LRCH4: variants seen among roughly 807,000 people sequenced by gnomAD.
LRCH4 encodes leucine rich repeats and calponin homology domain containing 4.
LRCH4 carries 56 observed loss-of-function variants against 81.2 expected under a neutral mutation model. The ratio of observed to expected loss-of-function variants is 0.69; its 90% confidence interval spans 0.56 to 0.86. LRCH4 has a LOEUF of 0.86. Among genes scored for constraint, LRCH4 ranks in the 40% least tolerant of loss-of-function variants. The pLI, the probability that LRCH4 is intolerant of heterozygous loss-of-function variation, is 0.00. For missense variants in LRCH4, 895 were observed against 922.8 expected (o/e 0.97, Z 0.39); for synonymous variants, 442 against 409.7 (o/e 1.08, Z -0.95).
At position 100,578,252 on chromosome 7, in the gene LRCH4, T is replaced by G; in HGVS notation, c.855A>C (p.Ala285=). The change falls in exon 7 of 18, where the codon GCA becomes GCC. Residue 285 remains alanine, a synonymous_variant. Coordinates refer to ENST00000310300, the MANE Select transcript of LRCH4 (RefSeq NM_002319.5). The surrounding 1 kb of genome is among the most constrained non-coding windows in gnomAD (Gnocchi z 5.7). ...SRPPSFSPCP[A]EDLFPGHRYD... ...ACCGATGTCCCGGAAATAGATCCTCTGCAGGGCTGGGGCCAGCCAGGCGGA... is the reference window on the plus strand; with the variant it reads ...ACCGATGTCCCGGAAATAGATCCTCGGCAGGGCTGGGGCCAGCCAGGCGGA... 6.2e-7 allele frequency: 1 copy of G among 1,614,128 alleles called. No homozygotes were observed. Among genetic ancestry groups the G allele is most frequent in the Non-Finnish European group, 8.5e-7 (1 of 1,179,934 alleles).
chr7:100,582,214 C>A lies in LRCH4; in HGVS notation c.366-47G>T. 6.2e-7 allele frequency: 1 copy of A among 1,613,246 alleles called. No individual in the cohort carries two copies. Among genetic ancestry groups the A allele is most frequent in the East Asian group, 2.2e-5 (1 of 44,884 alleles). ...CGGACTGGCTCCCCAGGCATGGCAT[C>A]CCAGCACTGCCATCCTCTCGGGGTC... On this transcript the variant is annotated intron_variant, in intron 2 of 17. Coordinates refer to ENST00000310300, the MANE Select transcript of LRCH4 (RefSeq NM_002319.5). The surrounding 1 kb of genome is among the most constrained non-coding windows in gnomAD (Gnocchi z 5.0).
In LRCH4 at chr7:100,582,451, G is replaced by C; in HGVS notation, c.229C>G (p.Arg77Gly). Residue 77 changes from arginine to glycine, a missense_variant, in exon 2 of 18, where the codon CGG (arginine) becomes GGG (glycine). This residue lies in a region of LRCH4 where 360 missense variants were observed against 397.0 expected (regional missense o/e 0.91). Coordinates refer to ENST00000310300, the MANE Select transcript of LRCH4 (RefSeq NM_002319.5). This position sits in a 1 kb window ranked among gnomAD's most constrained non-coding sequence, Gnocchi z 5.0. ...LSDITQADLSRNRFPEVPEAA... is the reference protein window; with the variant it reads ...LSDITQADLSGNRFPEVPEAA... ...TCGGGCACCTCGGGAAACCGGTTCC[G>C]GGACAGGTCTGGGGAAAAGGAGGTG... 6.2e-7 allele frequency: 1 copy of C among 1,608,632 alleles called. No homozygotes were observed. Among genetic ancestry groups the C allele is most frequent in the East Asian group, 2.2e-5 (1 of 44,882 alleles).
rs1801317574 is a variant in LRCH4 at position 100,575,401 on chromosome 7, CA to C, written c.1855-98del. 1 of 1,137,254 alleles carries C rather than the reference CA, an allele frequency of 8.8e-7. No individual in the cohort carries two copies. 70.4% of individuals were successfully genotyped at this position (1,137,254 alleles called of 1,614,324 possible). A position where few individuals can be genotyped will look rare whatever the true frequency, so the allele number is the denominator to read the frequency against. ...CACCCCTGCCCTCACGTGCTGGGGC[CA>C]GAACCACGCCCACATGCTGACGTGC... On this transcript the variant is annotated intron_variant, in intron 17 of 17. Coordinates refer to ENST00000310300, the MANE Select transcript of LRCH4 (RefSeq NM_002319.5). This position sits in a 1 kb window ranked among gnomAD's most constrained non-coding sequence, Gnocchi z 5.3.
chr7:100,584,576 G>A (rs1465557508), intron 1 of LRCH4: 4 of 409,006 alleles, frequency 9.8e-6, no homozygotes, highest in Non-Finnish European at 2.0e-5. Flanking sequence ...CAGACAGTGA[G>A]TGTCACACAG....
rs755258123 is a variant in LRCH4, at chr7:100,582,581, T to C, written c.221-122A>G. ...ACACCTAAAGATTCAAGGCCATCAA[T>C]GTGGCCTCCCAGGAGAGATAACAAA... On this transcript the variant is annotated intron_variant, in intron 1 of 17. Transcript: ENST00000310300. This position sits in a 1 kb window ranked among gnomAD's most constrained non-coding sequence, Gnocchi z 5.0. 9.9e-5 allele frequency: 97 copies of C among 979,738 alleles called. No individual in the cohort carries two copies. The highest frequency in any genetic ancestry group is 1.4e-4 in the Non-Finnish European group (91 of 659,226). The allele number at this position is 979,738 out of a possible 1,614,324, so 60.7% of individuals were successfully genotyped here. A position where few individuals can be genotyped will look rare whatever the true frequency, so the allele number is the denominator to read the frequency against.
chr7:100,577,026 A>G lies in LRCH4; in HGVS notation c.1365-21T>C. 6.2e-7 allele frequency: 1 copy of G among 1,613,686 alleles called. No individual in the cohort carries two copies. The highest frequency in any genetic ancestry group is 8.5e-7 in the Non-Finnish European group (1 of 1,179,672). On this transcript the variant is annotated intron_variant, in intron 12 of 17. Coordinates refer to ENST00000310300, the MANE Select transcript of LRCH4 (RefSeq NM_002319.5). This position sits in a 1 kb window ranked among gnomAD's most constrained non-coding sequence, Gnocchi z 6.7. ...AGCCGCTGAGGAGAGACAGAAGGGA[A>G]TTAGAGGGATGATGGTCATAGGAAG...
chr7:100,584,364 A>G (rs561361559), intron 1 of LRCH4, among the ~76,000 whole-genome samples: 10 of 123,182 alleles, frequency 8.1e-5, no homozygotes, highest in South Asian at 2.8e-4. Context: ...GGGATTTCCG[A>G]CCCCCCCCCA....
Position 100,575,651 on chromosome 7 carries a change from A to C in LRCH4, c.1854+54T>G. On this transcript the variant is annotated intron_variant, in intron 17 of 17. Transcript: ENST00000310300. The surrounding 1 kb of genome is among the most constrained non-coding windows in gnomAD (Gnocchi z 5.3). ...CAAATGGAAGCCCACCATCCATGCC[A>C]CATGCTCGGCTGAGTCCGGCATGCC... 1 of 1,591,800 alleles carries C rather than the reference A, an allele frequency of 6.3e-7. No homozygotes were observed. The highest frequency in any genetic ancestry group is 8.6e-7 in the Non-Finnish European group (1 of 1,159,536).
In LRCH4 at chr7:100,577,983, T is replaced by G. The variant is rs564236695; in HGVS notation, c.949-71A>C. ...GGGGCTCAGGACCTGGGGGGTCCTG[T>G]GTGGGACTAAGCTCAGGGTCTCTGC... On this transcript the variant is annotated intron_variant, in intron 7 of 17. Transcript: ENST00000310300. The surrounding 1 kb of genome is among the most constrained non-coding windows in gnomAD (Gnocchi z 6.7). 8 of 1,389,202 alleles carry G rather than the reference T, an allele frequency of 5.8e-6. No individual in the cohort carries two copies. In the Admixed American group the frequency reaches 7.2e-5, roughly 12 times the overall value. 86.1% of individuals were successfully genotyped at this position (1,389,202 alleles called of 1,614,324 possible).
Position 100,576,487 on chromosome 7 carries a change from T to A in LRCH4, c.1553-164A>T. 4.5e-6 allele frequency: 3 copies of A among 670,042 alleles called. No homozygotes were observed. The South Asian group carries it at 5.7e-5, about 13-fold the overall frequency. 41.5% of individuals were successfully genotyped at this position (670,042 alleles called of 1,614,324 possible). Reference sequence around the variant, plus strand: ...CTATGTTGCCCAGGCTGGTCTTGAATTCCTGGGCTCAAGCGATCCTCCCAC... The same window carrying A: ...CTATGTTGCCCAGGCTGGTCTTGAAATCCTGGGCTCAAGCGATCCTCCCAC... On this transcript the variant is annotated intron_variant, in intron 14 of 17. Coordinates refer to ENST00000310300, the MANE Select transcript of LRCH4 (RefSeq NM_002319.5).
chr7:100,578,147 G>A lies in LRCH4; in HGVS notation c.948+12C>T, dbSNP rs764110836. On this transcript the variant is annotated intron_variant, in intron 7 of 17. Transcript: ENST00000310300. The surrounding 1 kb of genome is among the most constrained non-coding windows in gnomAD (Gnocchi z 5.7). ...TGACACCCTCAATCACCCATGGACAGGACGCCCTTACCTCATTTCCAGACC... is the reference window on the plus strand; with the variant it reads ...TGACACCCTCAATCACCCATGGACAAGACGCCCTTACCTCATTTCCAGACC... 2.5e-6 allele frequency: 4 copies of A among 1,613,470 alleles called. No individual in the cohort carries two copies. In the South Asian group the frequency reaches 3.3e-5, roughly 13 times the overall value.
At position 100,578,939 on chromosome 7, in the gene LRCH4, C is replaced by T. The variant is rs987751851; in HGVS notation, c.599-153G>A. 31 of 712,020 alleles carry T rather than the reference C, an allele frequency of 4.4e-5. No homozygotes were observed. The highest frequency in any genetic ancestry group is 6.7e-5 in the Non-Finnish European group (29 of 432,554). The allele number at this position is 712,020 out of a possible 1,614,324, so 44.1% of individuals were successfully genotyped here. Reference sequence around the variant, plus strand: ...CAAGTCATTCCCCGGGAGAAACCTCCCTGCTCCTCTCTCCACATGATTCTG... The same window carrying T: ...CAAGTCATTCCCCGGGAGAAACCTCTCTGCTCCTCTCTCCACATGATTCTG... On this transcript the variant is annotated intron_variant, in intron 4 of 17. Coordinates refer to ENST00000310300, the MANE Select transcript of LRCH4 (RefSeq NM_002319.5). The surrounding 1 kb of genome is among the most constrained non-coding windows in gnomAD (Gnocchi z 5.7).
At position 100,581,093 on chromosome 7, in the gene LRCH4, C is replaced by T. The variant is rs181003293; in HGVS notation, c.598+684G>A. 2.1e-3 allele frequency among the ~76,000 whole-genome samples: 316 copies of T among 152,326 alleles called. 2 individuals are homozygous for T. Among genetic ancestry groups the T allele is most frequent in the Non-Finnish European group, 3.2e-3 (218 of 68,020 alleles). ...GCATCCCGACTCAGGTGTTTGAGAG[C>T]CCCTGCTGGGGTGAGCAGGGCTGCT... is the stretch of plus-strand genomic sequence containing the variant. On this transcript the variant is annotated intron_variant, in intron 4 of 17. Coordinates refer to ENST00000310300, the MANE Select transcript of LRCH4 (RefSeq NM_002319.5).
rs762823669 is a variant in LRCH4 at position 100,577,339 on chromosome 7, A to G, written c.1229T>C (p.Leu410Pro). ...CTGCCGCCGTTCCCGCTCCTGCCAC[A>G]GCTGCAAGGTGTCCGGGCGCCGCCG... is the stretch of plus-strand genomic sequence containing the variant. ...EERRRPDTLQ[L>P]WQERERRQQQ... The change falls in exon 11 of 18, where the codon CTG becomes CCG. Residue 410 changes from leucine (L) to proline (P), a missense_variant. Physicochemically the swap from Leu to Pro is moderately conservative, Grantham distance 98 (BLOSUM62 -3). This residue lies in a region of LRCH4 where 529 missense variants were observed against 504.9 expected (regional missense o/e 1.05). Coordinates refer to ENST00000310300, the MANE Select transcript of LRCH4 (RefSeq NM_002319.5). This position sits in a 1 kb window ranked among gnomAD's most constrained non-coding sequence, Gnocchi z 6.7. 1 of 1,599,558 alleles carries G rather than the reference A, an allele frequency of 6.3e-7. No homozygotes were observed. The highest frequency in any genetic ancestry group is 8.5e-7 in the Non-Finnish European group (1 of 1,179,256).
intron 1 of LRCH4, chr7:100,584,569 A>G: frequency 2.5e-6 from 1 of 400,520 alleles, no homozygotes; most frequent in South Asian, 1.8e-5. Context: ...AAGGGAACAG[A>G]CAGTGAGTGT....
chr7:100,584,292 C>T, intron 1 of LRCH4: 1 of 454,598 alleles, frequency 2.2e-6, no homozygotes, highest in Non-Finnish European at 4.4e-6. Context: ...AGAGGGACCC[C>T]ACTTGGCCTA....
At position 100,578,969 on chromosome 7, in the gene LRCH4, A is replaced by G; in HGVS notation, c.599-183T>C. On this transcript the variant is annotated intron_variant, in intron 4 of 17. Coordinates refer to ENST00000310300, the MANE Select transcript of LRCH4 (RefSeq NM_002319.5). This position sits in a 1 kb window ranked among gnomAD's most constrained non-coding sequence, Gnocchi z 5.7. ...TCCTCTCTCCACATGATTCTGGTCC[A>G]CGGTCTAAGCGAGCCTCCCTGAGAG... 1 of 637,710 alleles carries G rather than the reference A, an allele frequency of 1.6e-6. No homozygotes were observed. Among genetic ancestry groups the G allele is most frequent in the Non-Finnish European group, 2.7e-6 (1 of 374,290 alleles). 39.5% of individuals were successfully genotyped at this position (637,710 alleles called of 1,614,324 possible). A position where few individuals can be genotyped will look rare whatever the true frequency, so the allele number is the denominator to read the frequency against.
intron 1 of LRCH4, chr7:100,584,866 G>A (rs1357794375): frequency 4.6e-6 from 2 of 439,434 alleles, no homozygotes; most frequent in Non-Finnish European, 9.2e-6. Flanking sequence ...AGGAGGAAGA[G>A]GCCTGGGCTG....
Position 100,577,708 on chromosome 7 carries a change from C to T in LRCH4, c.1072G>A (p.Asp358Asn), listed in dbSNP as rs750048626. ...DGDPVQIDFI[D>N]SHVPGEDEER... ...TCATCCTCCCCGGGGACATGGCTGT[C>T]GATGAAGTCAATCTGCACAGGGTCT... Residue 358 changes from aspartate (D) to asparagine (N), a missense_variant, in exon 9 of 18, where the codon GAC (aspartate) becomes AAC (asparagine). Asp to Asn is a conservative substitution (Grantham distance 23). Around this residue, in one of 3 missense-constraint regions of LRCH4, gnomAD observed 529 missense variants for 504.9 expected, o/e 1.05. Coordinates refer to ENST00000310300, the MANE Select transcript of LRCH4 (RefSeq NM_002319.5). This position sits in a 1 kb window ranked among gnomAD's most constrained non-coding sequence, Gnocchi z 6.7. The T allele has an allele frequency of 6.8e-6, 11 of 1,613,914 alleles. No homozygotes were observed. Among genetic ancestry groups the T allele is most frequent in the Middle Eastern group, 1.6e-4 (1 of 6,082 alleles).
Sources: gnomAD v4.1 joint callset for allele counts (sites outside exome capture counted in the v4.1 genomes callset) on GRCh38, gnomAD v4.1.1 for gene constraint, gnomAD v4.1.1 regional missense constraint, Gnocchi (gnomAD v3.1) non-coding constraint, MANE v1.5 for transcripts, NCBI Gene and HGNC (gene_info 2026-07-23, HGNC 2026-07-21) for gene names.